Variants in MYZAP observed in about 807,000 individuals in gnomAD.
The protein encoded by MYZAP is myocardial zonula adherens protein.
Under a neutral mutation model 69.4 loss-of-function variants are expected in MYZAP, and 66 were observed. The observed-to-expected ratio is 0.95, with a 90% CI of 0.78 to 1.17. The LOEUF (loss-of-function observed/expected upper bound fraction) is 1.17. Ranked by LOEUF, MYZAP falls within the 50% of genes most tolerant of loss-of-function variation. The pLI is 0.00. For missense variants in MYZAP, 611 were observed against 556.2 expected (o/e 1.10, Z -0.99); for synonymous variants, 256 against 205.9 (o/e 1.24, Z -2.09).
intron 2 of MYZAP, among the ~76,000 whole-genome samples, chr15:57,613,759 C>G (rs1368678391): frequency 6.6e-6 from 1 of 152,158 alleles, no homozygotes; most frequent in Non-Finnish European, 1.5e-5. Flanking sequence ...ATCCTCTCTC[C>G]AGCACCAGCA....
chr15:57,666,517 C>T (rs1327176715), intron 11 of MYZAP, among the ~76,000 whole-genome samples: 7 of 152,182 alleles, frequency 4.6e-5, no homozygotes, highest in African/African-American at 1.7e-4. Context: ...CCAAATGACA[C>T]AGCAGACTCC....
intron 11 of MYZAP, among the ~76,000 whole-genome samples, chr15:57,669,978 A>G (rs1439480902): frequency 6.6e-6 from 1 of 152,144 alleles, no homozygotes; most frequent in Non-Finnish European, 1.5e-5. Context: ...TAATACTTTT[A>G]TAGTCAGAGA....
chr15:57,621,522 T>G (rs118149133), intron 3 of MYZAP, 86 bp from the exon 4 acceptor site: 19,156 of 1,510,282 alleles, frequency 0.013, 230 homozygotes, highest in South Asian at 0.044. Context: ...GGGGTCCTTC[T>G]TTCTTTAGAG....
rs552626351 is a variant in MYZAP, at chr15:57,681,830, T to C, written c.1305-2572T>C. Among the ~76,000 whole-genome samples the C allele has an allele frequency of 2.6e-5, 4 of 151,550 alleles. No homozygotes were observed. The East Asian group carries it at 7.8e-4, about 29-fold the overall frequency. On this transcript the variant is annotated intron_variant, in intron 12 of 12. Coordinates refer to ENST00000267853, the MANE Select transcript of MYZAP (RefSeq NM_001018100.5). ...GTGTCAGAAGCCTGTATAATAGTGA[T>C]GTTCAAGGTGTATATGGGGATTGGG...
At chr15:57,622,233 A>T (rs1260255878) in intron 4 of MYZAP, among the ~76,000 whole-genome samples, 1 of 152,116 alleles carries the variant, frequency 6.6e-6, no homozygotes, top group African/African-American at 2.4e-5. Flanking sequence ...TATACAAAAA[A>T]TTCCCAAAAT....
At chr15:57,598,989 T>C (rs2034240062) in intron 1 of MYZAP, among the ~76,000 whole-genome samples, 1 of 152,226 alleles carries the variant, frequency 6.6e-6, no homozygotes, top group Non-Finnish European at 1.5e-5. Context: ...AAGATTAGTG[T>C]TCTTCTTCCT....
chr15:57,626,450 C>G (rs2036141228), intron 5 of MYZAP, among the ~76,000 whole-genome samples: 1 of 152,186 alleles, frequency 6.6e-6, no homozygotes, highest in Non-Finnish European at 1.5e-5. Flanking sequence ...TGTTATCTCA[C>G]TTTGAGGCAT....
At chr15:57,643,133 A>G (rs1313088932) in intron 10 of MYZAP, among the ~76,000 whole-genome samples, 1 of 152,102 alleles carries the variant, frequency 6.6e-6, no homozygotes, top group Non-Finnish European at 1.5e-5. Context: ...AAAAAGCCCC[A>G]CGTGTGCCTC....
intron 11 of MYZAP, among the ~76,000 whole-genome samples, chr15:57,669,926 T>C (rs192935940): frequency 3.0e-4 from 45 of 152,284 alleles, no homozygotes; most frequent in African/African-American, 1.1e-3. Flanking sequence ...TTATTTAATT[T>C]CCAAATAGTT....
intron 5 of MYZAP, 91 bp downstream of exon 5, chr15:57,625,983 C>T: frequency 9.0e-7 from 1 of 1,106,758 alleles, no homozygotes. Flanking sequence ...ACAGAACATC[C>T]TTAGCTCATG....
intron 10 of MYZAP, among the ~76,000 whole-genome samples, chr15:57,649,774 G>T (rs79224317): frequency 6.6e-6 from 1 of 152,128 alleles, no homozygotes; most frequent in East Asian, 1.9e-4. Context: ...TAGTTTTGCA[G>T]TTTGATTGTT....
rs979399032 is a variant in MYZAP, at chr15:57,616,622, G to C, written c.163-1411G>C. Among the ~76,000 whole-genome samples, 4 of 151,902 alleles carry C rather than the reference G, an allele frequency of 2.6e-5. No individual in the cohort carries two copies. In the South Asian group the frequency reaches 8.4e-4, roughly 32 times the overall value. On this transcript the variant is annotated intron_variant, in intron 2 of 12. Coordinates refer to ENST00000267853, the MANE Select transcript of MYZAP (RefSeq NM_001018100.5). The stretch of plus-strand genomic sequence containing the variant: ...CTGCTCTCCAACCTGGCGAGAGAGT[G>C]AGACTCTGTCTCAAAAACAAACAAA...
intron 8 of MYZAP, 75 bp downstream of exon 8, chr15:57,633,816 C>A: frequency 7.4e-7 from 1 of 1,357,664 alleles, no homozygotes; most frequent in Non-Finnish European, 9.6e-7. Flanking sequence ...TACGAGAGGC[C>A]CTGGATATGG....
At chr15:57,603,857 A>T (rs2034571011) in intron 1 of MYZAP, among the ~76,000 whole-genome samples, 1 of 152,226 alleles carries the variant, frequency 6.6e-6, no homozygotes, top group Non-Finnish European at 1.5e-5. Context: ...TTGTAGAAAA[A>T]TTAAATATAT....
chr15:57,621,303 C>G (rs145872614), intron 3 of MYZAP, among the ~76,000 whole-genome samples: 1 of 150,176 alleles, frequency 6.7e-6, no homozygotes, highest in Non-Finnish European at 1.5e-5. Flanking sequence ...CTCCGCCTGC[C>G]GGATTCACGT....
At chr15:57,682,347 TG>T (rs2039487777) in intron 12 of MYZAP, among the ~76,000 whole-genome samples, 1 of 152,160 alleles carries the variant, frequency 6.6e-6, no homozygotes, top group Non-Finnish European at 1.5e-5. Context: ...CAAGAGAAGC[TG>T]GGAAATGTAG....
At chr15:57,631,437 A>G (rs1289545602) in intron 6 of MYZAP, among the ~76,000 whole-genome samples, 2 of 141,780 alleles carry the variant, frequency 1.4e-5, no homozygotes, top group African/African-American at 2.7e-5. Context: ...GGTTTCTCCT[A>G]CTCCTCCTAT....
intron 4 of MYZAP, among the ~76,000 whole-genome samples, chr15:57,621,988 G>A (rs117545728): frequency 0.015 from 2,251 of 152,148 alleles, 30 homozygotes; most frequent in South Asian, 0.045. Flanking sequence ...TTCACATACT[G>A]GCCAAACAAG....
At chr15:57,643,803 T>A (rs912351762) in intron 10 of MYZAP, among the ~76,000 whole-genome samples, 2 of 152,026 alleles carry the variant, frequency 1.3e-5, no homozygotes, top group Non-Finnish European at 2.9e-5. Context: ...TTTTGTCATG[T>A]CTTTCTTTTG....
Sources: allele counts gnomAD v4.1 joint callset (sites outside exome capture counted in the v4.1 genomes callset), GRCh38; gene constraint gnomAD v4.1.1; transcripts MANE v1.5; gene names NCBI Gene and HGNC (gene_info 2026-07-23, HGNC 2026-07-21).